EXOC6B: variants seen among roughly 807,000 people sequenced by gnomAD.
EXOC6B encodes SEC15 homolog B.
A neutral mutation model predicts 113.5 loss-of-function variants in EXOC6B; 54 were observed. The ratio of observed to expected loss-of-function variants is 0.48; its 90% CI spans 0.38 to 0.60. The LOEUF is 0.60. Ranked by LOEUF, EXOC6B falls within the 20% of genes least tolerant of loss-of-function variation. The pLI, the probability that EXOC6B is intolerant of heterozygous loss-of-function variation, is 0.00. For synonymous variants in EXOC6B, 357 were observed against 339.0 expected, an observed-to-expected ratio of 1.05 and a Z score of -0.58; for missense variants, 797 against 977.5, an observed-to-expected ratio of 0.82 and a Z score of 2.46.
At chr2:72,492,905 C>G (rs1445959821) in intron 15 of EXOC6B, among the ~76,000 whole-genome samples, 1 of 152,044 alleles carries the variant, frequency 6.6e-6, no homozygotes, top group African/African-American at 2.4e-5. Context: ...TTAGGGTTCT[C>G]AAAATCTTGA....
intron 1 of EXOC6B, among the ~76,000 whole-genome samples, chr2:72,787,831 T>C (rs531145190): frequency 6.6e-6 from 1 of 152,158 alleles, no homozygotes; most frequent in South Asian, 2.1e-4. Context: ...AGAGATGGGG[T>C]TTCACCATGT....
chr2:72,449,481 A>ATTTTTTTTTT (rs61544524), intron 18 of EXOC6B, among the ~76,000 whole-genome samples: 1 of 139,076 alleles, frequency 7.2e-6, no homozygotes. Context: ...AGCATTGTCA[A>ATTTTTTTTTT]TTTTTTTTTT....
chr2:72,200,321 T>G (rs1433666491), intron 20 of EXOC6B, among the ~76,000 whole-genome samples: 1 of 152,236 alleles, frequency 6.6e-6, no homozygotes, highest in African/African-American at 2.4e-5. Flanking sequence ...ACCAGATATC[T>G]AATGTCCCTC....
chr2:72,521,854 G>A (rs1410535776), intron 8 of EXOC6B, among the ~76,000 whole-genome samples: 4 of 152,004 alleles, frequency 2.6e-5, no homozygotes, highest in East Asian at 1.9e-4. Flanking sequence ...ATGCCACCAC[G>A]CCCGGCTAAT....
Position 72,176,272 on chromosome 2 carries a change from AC to A in EXOC6B, c.*3062del, listed in dbSNP as rs1457618178. On this transcript the variant is annotated 3_prime_UTR_variant, in exon 22 of 22. Transcript: ENST00000272427. ...GTGAATGCAGGCAAAAAAAAAAAAA[AC>A]AAAAAGGAAGAAGAAGAAGAAGAAG... is the stretch of plus-strand genomic sequence containing the variant. The A allele has an allele frequency of 6.8e-6, 1 of 148,074 alleles. No individual in the cohort carries two copies. The highest frequency in any genetic ancestry group is 1.5e-5 in the Non-Finnish European group (1 of 66,516). 9.2% of individuals were successfully genotyped at this position (148,074 alleles called of 1,614,324 possible).
chr2:72,188,778 T>G (rs1678615585), intron 20 of EXOC6B, among the ~76,000 whole-genome samples: 1 of 152,190 alleles, frequency 6.6e-6, no homozygotes, highest in Non-Finnish European at 1.5e-5. Flanking sequence ...AAATCTTTCA[T>G]TTGGAAATAT....
intron 3 of EXOC6B, among the ~76,000 whole-genome samples, chr2:72,732,172 G>T (rs1354515467): frequency 6.6e-6 from 1 of 152,084 alleles, no homozygotes. Context: ...GATAGAGATG[G>T]GGTCTCCCTT....
chr2:72,642,903 C>T (rs1673372977), intron 6 of EXOC6B, among the ~76,000 whole-genome samples: 1 of 147,688 alleles, frequency 6.8e-6, no homozygotes, highest in African/African-American at 2.5e-5. Context: ...ACAATGAACT[C>T]AAACAAATTT....
At chr2:72,513,766 T>G (rs1330214768) in intron 10 of EXOC6B, among the ~76,000 whole-genome samples, 4 of 152,036 alleles carry the variant, frequency 2.6e-5, no homozygotes, top group African/African-American at 9.7e-5. Context: ...ATACAAAGGT[T>G]TCAAAAATGT....
intron 11 of EXOC6B, among the ~76,000 whole-genome samples, chr2:72,512,800 T>G (rs1166640940): frequency 1.3e-5 from 2 of 151,702 alleles, no homozygotes; most frequent in African/African-American, 2.4e-5. Flanking sequence ...AAGGTAAATA[T>G]AATAATAATA....
intron 6 of EXOC6B, among the ~76,000 whole-genome samples, chr2:72,631,969 AAG>A (rs542905394): frequency 5.9e-5 from 9 of 152,238 alleles, no homozygotes; most frequent in Non-Finnish European, 1.3e-4. Flanking sequence ...CAATGAATTA[AAG>A]AGTTATATAA....
intron 20 of EXOC6B, among the ~76,000 whole-genome samples, chr2:72,303,052 G>A (rs1373557163): frequency 4.6e-5 from 7 of 152,120 alleles, no homozygotes; most frequent in Admixed American, 4.6e-4. Context: ...TATCTGAAAA[G>A]AATCTTATTT....
intron 18 of EXOC6B, among the ~76,000 whole-genome samples, chr2:72,458,727 G>A (rs140309125): frequency 1.2e-4 from 19 of 152,134 alleles, no homozygotes; most frequent in African/African-American, 4.6e-4. Context: ...TTGCAAGAAA[G>A]TTCACAACTC....
chr2:72,494,892 C>T (rs538068376), intron 15 of EXOC6B, among the ~76,000 whole-genome samples: 1 of 152,094 alleles, frequency 6.6e-6, no homozygotes, highest in Non-Finnish European at 1.5e-5. Flanking sequence ...AACAAAGGAG[C>T]CTACACTCTA....
intron 6 of EXOC6B, among the ~76,000 whole-genome samples, chr2:72,647,263 C>T (rs1673796252): frequency 6.6e-6 from 1 of 152,026 alleles, no homozygotes; most frequent in African/African-American, 2.4e-5. Context: ...AACCACTGCT[C>T]AACGAGATAA....
chr2:72,698,701 C>A (rs914068115), intron 6 of EXOC6B, among the ~76,000 whole-genome samples: 1 of 152,152 alleles, frequency 6.6e-6, no homozygotes, highest in African/African-American at 2.4e-5. Flanking sequence ...CTGCCGACAG[C>A]AAAATGAAAT....
chr2:72,225,399 T>G (rs1032708266), intron 20 of EXOC6B, among the ~76,000 whole-genome samples: 5 of 152,204 alleles, frequency 3.3e-5, no homozygotes, highest in Admixed American at 2.6e-4. Flanking sequence ...TTTATTAAAT[T>G]TTCATATTTC....
intron 6 of EXOC6B, among the ~76,000 whole-genome samples, chr2:72,713,324 A>C (rs1156762003): frequency 1.3e-5 from 2 of 152,206 alleles, no homozygotes; most frequent in East Asian, 3.8e-4. Flanking sequence ...AAGACTTTCA[A>C]GTCTGTTTTC....
intron 6 of EXOC6B, among the ~76,000 whole-genome samples, chr2:72,580,459 T>C (rs531032388): frequency 1.5e-4 from 23 of 152,274 alleles, no homozygotes; most frequent in African/African-American, 5.3e-4. Flanking sequence ...CTTGTTTCAC[T>C]ATCTACTATG....
Sources: allele counts gnomAD v4.1 joint callset (sites outside exome capture counted in the v4.1 genomes callset), GRCh38; gene constraint gnomAD v4.1.1; transcripts MANE v1.5; gene names NCBI Gene and HGNC (gene_info 2026-07-23, HGNC 2026-07-21).